SOX6: variants seen among roughly 807,000 people sequenced by gnomAD.
The protein encoded by SOX6 is transcription factor SOX-6.
A neutral mutation model predicts 97.8 loss-of-function variants in SOX6; 11 were observed. The observed-to-expected ratio is 0.11, with a 90% CI of 0.07 to 0.19. SOX6 has a LOEUF of 0.19. Ranked by LOEUF, SOX6 falls within the 10% of genes least tolerant of loss-of-function variation. The pLI is 1.00. For synonymous variants in SOX6, 360 were observed against 371.4 expected (o/e 0.97, Z 0.35); for missense variants, 810 against 1,039.5 (o/e 0.78, Z 3.04).
intron 4 of SOX6, among the ~76,000 whole-genome samples, chr11:16,499,074 C>T (rs1022181959): frequency 1.3e-5 from 2 of 152,194 alleles, no homozygotes; most frequent in African/African-American, 4.8e-5. Context: ...CACTCCGCAG[C>T]AAATGTAAAA....
upstream of SOX6, among the ~76,000 whole-genome samples, chr11:16,477,854 G>T (rs754742611): frequency 6.6e-6 from 1 of 152,154 alleles, no homozygotes; most frequent in Non-Finnish European, 1.5e-5. Flanking sequence ...CCAGTTTCCA[G>T]CAACTCTAAC....
intron 15 of SOX6, among the ~76,000 whole-genome samples, chr11:15,974,378 C>CTTTTTTTTTTTTTTTTTT (rs35597667): frequency 2.3e-4 from 20 of 85,684 alleles, no homozygotes; most frequent in South Asian, 5.2e-4. Flanking sequence ...TTAGCTCTCT[C>CTTTTTTTTTTTTTTTTTT]TTTTTTTTTT....
chr11:16,169,428 T>C (rs1317563211), intron 6 of SOX6, among the ~76,000 whole-genome samples: 1 of 152,026 alleles, frequency 6.6e-6, no homozygotes, highest in Admixed American at 6.6e-5. Context: ...TAAATATCAG[T>C]AGTCAAAAAT....
At chr11:16,132,738 G>T (rs1849853679) in intron 6 of SOX6, among the ~76,000 whole-genome samples, 3 of 142,884 alleles carry the variant, frequency 2.1e-5, no homozygotes, top group Admixed American at 1.4e-4. Context: ...TTGTCACAAT[G>T]ACAGCCTTGT....
At chr11:16,317,911 G>A (rs1336784812) in intron 3 of SOX6, 4 of 448,510 alleles carry the variant, frequency 8.9e-6, no homozygotes, top group African/African-American at 2.0e-5. Flanking sequence ...AGAGAAGGTA[G>A]ATGTGGGATG....
chr11:16,258,307 A>G (rs1345359592), intron 3 of SOX6, among the ~76,000 whole-genome samples: 5 of 152,074 alleles, frequency 3.3e-5, no homozygotes, highest in Non-Finnish European at 5.9e-5. Flanking sequence ...GAAACAATCA[A>G]GATGTCTTTC....
intron 12 of SOX6, chr11:16,031,351 TC>T (rs1255492155): frequency 6.6e-6 from 1 of 152,244 alleles, no homozygotes; most frequent in Non-Finnish European, 1.5e-5. Flanking sequence ...ATCCAGTACT[TC>T]ATTGCACAGC....
At chr11:16,264,187 C>T (rs1453925612) in intron 3 of SOX6, among the ~76,000 whole-genome samples, 1 of 151,824 alleles carries the variant, frequency 6.6e-6, no homozygotes, top group Non-Finnish European at 1.5e-5. Flanking sequence ...CCTACTCACA[C>T]CAACCCCATC....
intron 4 of SOX6, among the ~76,000 whole-genome samples, chr11:16,536,152 A>C (rs1861304846): frequency 6.6e-6 from 1 of 152,344 alleles, no homozygotes; most frequent in South Asian, 2.1e-4. Flanking sequence ...TAAGGTTTTC[A>C]TTATCCTTAA....
At chr11:16,514,451 G>A (rs1262049501) in intron 4 of SOX6, among the ~76,000 whole-genome samples, 1 of 152,052 alleles carries the variant, frequency 6.6e-6, no homozygotes, top group African/African-American at 2.4e-5. Context: ...TTAGCTAACT[G>A]TGTAACCTCT....
intron 6 of SOX6, among the ~76,000 whole-genome samples, chr11:16,132,401 A>AGAAAGAAG (rs34012369): frequency 6.8e-5 from 3 of 43,844 alleles, no homozygotes; most frequent in African/African-American, 3.3e-4. Flanking sequence ...AAAGAAAGAA[A>AGAAAGAAG]AAAGAAAGAA....
chr11:16,499,504 A>C (rs1177323967), intron 4 of SOX6, among the ~76,000 whole-genome samples: 2 of 152,194 alleles, frequency 1.3e-5, no homozygotes, highest in Non-Finnish European at 2.9e-5. Flanking sequence ...CCCTTCAAAA[A>C]ATCAATGAAT....
intron 4 of SOX6, among the ~76,000 whole-genome samples, chr11:16,565,852 T>C (rs891962884): frequency 5.9e-5 from 9 of 151,922 alleles, no homozygotes; most frequent in Non-Finnish European, 1.0e-4. Context: ...ATCCCAGCAC[T>C]TTGGGAGGCC....
chr11:16,094,825 T>C (rs1459511868), intron 9 of SOX6, among the ~76,000 whole-genome samples: 2 of 151,878 alleles, frequency 1.3e-5, no homozygotes, highest in Admixed American at 6.6e-5. Flanking sequence ...CTACCTCTTA[T>C]GTCAAAGCAA....
intron 4 of SOX6, among the ~76,000 whole-genome samples, chr11:16,560,321 C>T (rs901458673): frequency 1.3e-5 from 2 of 152,098 alleles, no homozygotes; most frequent in African/African-American, 4.8e-5. Flanking sequence ...AAGGGCTTCA[C>T]GTGTAATTGA....
intron 10 of SOX6, 60 bp from the exon 11 acceptor site, chr11:16,049,998 T>C (rs1034455530): frequency 6.4e-7 from 1 of 1,560,576 alleles, no homozygotes; most frequent in African/African-American, 1.4e-5. Flanking sequence ...ACATTATCAC[T>C]TAGTAAGCCA....
chr11:16,236,795 A>G (rs1853037836), intron 3 of SOX6, among the ~76,000 whole-genome samples: 1 of 151,984 alleles, frequency 6.6e-6, no homozygotes, highest in African/African-American at 2.4e-5. Context: ...CTAAAACTTC[A>G]TGGGAGAAAA....
intron 4 of SOX6, among the ~76,000 whole-genome samples, chr11:16,545,583 C>T (rs1847611036): frequency 6.6e-6 from 1 of 152,160 alleles, no homozygotes; most frequent in Non-Finnish European, 1.5e-5. Flanking sequence ...CACTCCTATT[C>T]ACTATAATAC....
At chr11:16,035,493 C>T (rs1175552825) in intron 12 of SOX6, among the ~76,000 whole-genome samples, 1 of 152,146 alleles carries the variant, frequency 6.6e-6, no homozygotes, top group Non-Finnish European at 1.5e-5. Flanking sequence ...GTTCTTAAAA[C>T]TGCCACGAGC....
Sources: allele counts gnomAD v4.1 joint callset (sites outside exome capture counted in the v4.1 genomes callset), GRCh38; gene constraint gnomAD v4.1.1; transcripts MANE v1.5; gene names NCBI Gene and HGNC (gene_info 2026-07-23, HGNC 2026-07-21).